The following DPP10 variants were observed in gnomAD, a reference collection of about 807,000 sequenced individuals.
The protein encoded by DPP10 is dipeptidyl peptidase like 10.
In DPP10, 33 loss-of-function variants were observed where a neutral mutation model predicts 120.9. That is an observed-to-expected ratio of 0.27 (90% confidence interval 0.21 to 0.37). The LOEUF (loss-of-function observed/expected upper bound fraction) is 0.37, where lower values mean the gene tolerates loss of function less well. Ranked by LOEUF, DPP10 falls within the 10% of genes least tolerant of loss-of-function variation. The pLI, the probability that DPP10 is intolerant of heterozygous loss-of-function variation, is 1.00. For missense variants in DPP10, 816 were observed against 942.8 expected, an observed-to-expected ratio of 0.87 and a Z score of 1.76; for synonymous variants, 337 against 326.1, an observed-to-expected ratio of 1.03 and a Z score of -0.36.
intron 1 of DPP10, among the ~76,000 whole-genome samples, chr2:114,946,945 T>C (rs1326649495): frequency 6.6e-6 from 1 of 152,150 alleles, no homozygotes; most frequent in Non-Finnish European, 1.5e-5. Flanking sequence ...GAATGTTAAA[T>C]GTACATTAAA....
intron 1 of DPP10, among the ~76,000 whole-genome samples, chr2:115,271,284 A>G (rs2059688854): frequency 1.3e-5 from 2 of 152,210 alleles, no homozygotes; most frequent in Admixed American, 1.3e-4. Context: ...ATACCTGGCC[A>G]TTCTACTTGT....
chr2:115,167,886 A>T (rs1309956164), intron 1 of DPP10, among the ~76,000 whole-genome samples: 1 of 152,194 alleles, frequency 6.6e-6, no homozygotes, highest in Admixed American at 6.5e-5. Flanking sequence ...GCTAAAAGTA[A>T]ACTTTGGCTA....
chr2:115,467,818 G>A (rs2074425494), intron 3 of DPP10, among the ~76,000 whole-genome samples: 1 of 152,138 alleles, frequency 6.6e-6, no homozygotes, highest in Non-Finnish European at 1.5e-5. Context: ...ACCTTGTGAA[G>A]CAAAATTTAT....
At chr2:115,617,444 C>A (rs2084608356) in intron 5 of DPP10, among the ~76,000 whole-genome samples, 2 of 151,172 alleles carry the variant, frequency 1.3e-5, no homozygotes, top group East Asian at 3.9e-4. Context: ...AAAAACATTA[C>A]TTTCATATTA....
chr2:115,771,456 A>C (rs912252859), intron 13 of DPP10, among the ~76,000 whole-genome samples: 1 of 152,332 alleles, frequency 6.6e-6, no homozygotes, highest in African/African-American at 2.4e-5. Context: ...CAGAGTTAAA[A>C]GCCCTTATAA....
intron 3 of DPP10, among the ~76,000 whole-genome samples, chr2:115,448,056 C>A (rs968371072): frequency 3.9e-5 from 6 of 152,142 alleles, no homozygotes; most frequent in African/African-American, 1.4e-4. Flanking sequence ...TTAAGTTCGA[C>A]AGAAGGAGAA....
chr2:115,671,682 A>C (rs1311430864), intron 5 of DPP10, among the ~76,000 whole-genome samples: 1 of 152,192 alleles, frequency 6.6e-6, no homozygotes. Flanking sequence ...GACTAGATCA[A>C]TCTGCAGATC....
At chr2:115,380,787 T>G (rs1044590526) in intron 3 of DPP10, among the ~76,000 whole-genome samples, 12 of 152,142 alleles carry the variant, frequency 7.9e-5, no homozygotes, top group African/African-American at 2.7e-4. Flanking sequence ...GTCCGCAAAG[T>G]ATTTTATTTC....
At chr2:115,496,019 A>C (rs1180397286) in intron 3 of DPP10, among the ~76,000 whole-genome samples, 1 of 152,172 alleles carries the variant, frequency 6.6e-6, no homozygotes, top group Non-Finnish European at 1.5e-5. Context: ...AAAATATATC[A>C]TACAACATTT....
At chr2:115,402,875 A>ATATATATATATATG (rs1167991546) in intron 3 of DPP10, among the ~76,000 whole-genome samples, 3 of 125,244 alleles carry the variant, frequency 2.4e-5, no homozygotes, top group African/African-American at 9.6e-5. Flanking sequence ...ATATATATAT[A>ATATATATATATATG]TGTGTGTGTG....
chr2:115,605,048 A>G (rs973874954), intron 5 of DPP10, among the ~76,000 whole-genome samples: 1 of 152,200 alleles, frequency 6.6e-6, no homozygotes, highest in Non-Finnish European at 1.5e-5. Flanking sequence ...AAATACGAAG[A>G]TAGGTAGATG....
intron 1 of DPP10, among the ~76,000 whole-genome samples, chr2:115,249,988 A>G (rs936472904): frequency 3.9e-5 from 6 of 152,156 alleles, no homozygotes; most frequent in African/African-American, 1.4e-4. Context: ...CTGACCAAAC[A>G]CTGAAAGGAT....
Position 114,707,499 on chromosome 2 carries a change from G to A in DPP10, c.60+264661G>A, listed in dbSNP as rs1445340609. Among the ~76,000 whole-genome samples, 5 of 152,304 alleles carry A rather than the reference G, an allele frequency of 3.3e-5. No individual in the cohort carries two copies. In the South Asian group the frequency reaches 8.3e-4, roughly 25 times the overall value. On this transcript the variant is annotated intron_variant, in intron 1 of 25. Coordinates refer to ENST00000410059, the MANE Select transcript of DPP10 (RefSeq NM_020868.6). ...TTAAAAGTACATATTTGGGGAATGT[G>A]AACTTAAACATATTTTATTAATGGA...
At chr2:114,590,677 G>A (rs943553372) in intron 1 of DPP10, among the ~76,000 whole-genome samples, 1 of 152,178 alleles carries the variant, frequency 6.6e-6, no homozygotes, top group Admixed American at 6.5e-5. Flanking sequence ...GTTGGAAAGA[G>A]AGGCATAGTA....
chr2:114,735,508 G>T (rs1159638532), intron 1 of DPP10, among the ~76,000 whole-genome samples: 2 of 152,060 alleles, frequency 1.3e-5, no homozygotes, highest in Non-Finnish European at 2.9e-5. Flanking sequence ...TAAACACACT[G>T]TTATTATCAT....
intron 1 of DPP10, among the ~76,000 whole-genome samples, chr2:114,858,985 A>G (rs1185350891): frequency 6.6e-6 from 1 of 152,120 alleles, no homozygotes; most frequent in Non-Finnish European, 1.5e-5. Context: ...TAGGAGTAGC[A>G]TCTGAAGACT....
chr2:115,167,137 C>G (rs561628633), intron 1 of DPP10, among the ~76,000 whole-genome samples: 171 of 152,060 alleles, frequency 1.1e-3, no homozygotes, highest in African/African-American at 3.9e-3. Context: ...GACTGCAGTT[C>G]CCTTTAGATG....
intron 1 of DPP10, among the ~76,000 whole-genome samples, chr2:114,457,018 C>T (rs1678620381): frequency 6.6e-6 from 1 of 152,116 alleles, no homozygotes; most frequent in African/African-American, 2.4e-5. Context: ...CTAACTCCAT[C>T]TAGTGAGAAG....
intron 1 of DPP10, among the ~76,000 whole-genome samples, chr2:114,551,619 A>G (rs371735208): frequency 4.6e-5 from 7 of 152,350 alleles, no homozygotes; most frequent in African/African-American, 1.7e-4. Flanking sequence ...GACCTGAGAC[A>G]GCTGGCTGCG....
Sources: gnomAD v4.1 joint callset for allele counts (sites outside exome capture counted in the v4.1 genomes callset) on GRCh38, gnomAD v4.1.1 for gene constraint, MANE v1.5 for transcripts, NCBI Gene and HGNC (gene_info 2026-07-23, HGNC 2026-07-21) for gene names.